PCM1: variants seen among roughly 807,000 people sequenced by gnomAD.
The protein encoded by PCM1 is pericentriolar material 1 protein.
PCM1 carries 157 observed loss-of-function variants against 241.9 expected under a neutral mutation model. That is an observed-to-expected ratio of 0.65 (90% CI 0.57 to 0.74). The LOEUF (loss-of-function observed/expected upper bound fraction) is 0.74, where lower values mean the gene tolerates loss of function less well. PCM1 is among the 30% of genes least tolerant of loss of function. PCM1 has a pLI of 0.00. For missense variants in PCM1, 3,478 were observed against 2,360.1 expected (o/e 1.47, Z -9.81); for synonymous variants, 1,085 against 784.9 (o/e 1.38, Z -6.39).
At chr8:18,011,583 T>C (rs897640292) in intron 33 of PCM1, 84 bp from the exon 34 acceptor site, 1 of 1,270,958 alleles carries the variant, frequency 7.9e-7, no homozygotes, top group Non-Finnish European at 1.1e-6. Flanking sequence ...AAAGCATCTG[T>C]GCCATGCAGG....
chr8:17,952,052 G>T (rs1280180310), intron 8 of PCM1, among the ~76,000 whole-genome samples: 3 of 151,942 alleles, frequency 2.0e-5, no homozygotes, highest in South Asian at 2.1e-4. Context: ...GTGAAACCCT[G>T]TCTCAACTAA....
intron 36 of PCM1, chr8:18,015,914 A>C (rs992819967): frequency 6.6e-6 from 1 of 152,320 alleles, no homozygotes; most frequent in Non-Finnish European, 1.5e-5. Flanking sequence ...TTTGAGACTG[A>C]GTCTCGCTCT....
intron 6 of PCM1, among the ~76,000 whole-genome samples, chr8:17,942,912 G>C (rs1018227928): frequency 6.6e-6 from 1 of 151,290 alleles, no homozygotes; most frequent in Non-Finnish European, 1.5e-5. Context: ...CAGGAGAATT[G>C]CTTGAACCCT....
chr8:17,926,270 G>A (rs1348290656), intron 2 of PCM1: 1 of 152,100 alleles, frequency 6.6e-6, no homozygotes, highest in African/African-American at 2.4e-5. Flanking sequence ...AGGAGATTTG[G>A]CCATTTTTTT....
intron 29 of PCM1, among the ~76,000 whole-genome samples, chr8:18,003,780 A>G (rs1168476206): frequency 6.6e-6 from 1 of 152,124 alleles, no homozygotes; most frequent in East Asian, 1.9e-4. Flanking sequence ...TTTACCTTCC[A>G]TAAAAGAATA....
chr8:17,987,228 T>C (rs866363239), intron 26 of PCM1, among the ~76,000 whole-genome samples: 3 of 152,042 alleles, frequency 2.0e-5, no homozygotes, highest in South Asian at 2.1e-4. Context: ...TGTGTATTCC[T>C]TTTTGTGGGA....
chr8:18,009,684 T>G lies in PCM1; in HGVS notation c.5100T>G (p.Val1700=), dbSNP rs1241853850. 2 of 1,537,114 alleles carry G rather than the reference T, an allele frequency of 1.3e-6. No individual in the cohort carries two copies. Among genetic ancestry groups the G allele is most frequent in the African/African-American group, 1.4e-5 (1 of 72,278 alleles). The change falls in exon 31 of 39, where the codon GTT becomes GTG. Residue 1700 remains valine (V), a synonymous_variant. Coordinates refer to ENST00000325083, the MANE Select transcript of PCM1 (RefSeq NM_006197.4). ...ATTTGGATAATAATAGTATAACTGT[T>G]AAACAGAGATGCAAAAGGAAAATAG... ...MQDLDNNSIT[V]KQRCKRKIEA...
At position 17,938,955 on chromosome 8, in the gene PCM1, C is replaced by T. The variant is rs772735373; in HGVS notation, c.558C>T (p.Asn186=). The change falls in exon 5 of 39, where the codon AAC becomes AAT. Residue 186 remains asparagine (N), a synonymous_variant. Coordinates refer to ENST00000325083, the MANE Select transcript of PCM1 (RefSeq NM_006197.4). The part of the protein sequence containing the change: ...ASALSNDLLQ[N]CQVSEEDGRG... ...CTTTAAGTAATGACCTCTTGCAAAA[C>T]TGTCAGGTGTCTGAAGAAGATGGGA... 6.2e-7 allele frequency: 1 copy of T among 1,613,718 alleles called. No individual in the cohort carries two copies. The highest frequency in any genetic ancestry group is 8.5e-7 in the Non-Finnish European group (1 of 1,179,652).
chr8:18,006,303 C>T lies in PCM1; in HGVS notation c.4868C>T (p.Ser1623Leu), dbSNP rs748852225. The change falls in exon 30 of 39, where the codon TCA (serine) becomes TTA (leucine). Residue 1623 changes from serine (S) to leucine (L), a missense_variant. By Grantham distance (145) the Ser-to-Leu change is moderately radical (BLOSUM62 -2). Coordinates refer to ENST00000325083, the MANE Select transcript of PCM1 (RefSeq NM_006197.4). The part of the protein sequence containing the change: ...DEVCSSQLLT[S>L]VRRMVLTLTQ... The stretch of plus-strand genomic sequence containing the variant: ...GTATGCTCCTCGCAGCTTCTAACTT[C>T]AGTAAGGCGCATGGTTTTGACCCTT... The T allele has an allele frequency of 1.9e-6, 3 of 1,611,872 alleles. No homozygotes were observed. Among genetic ancestry groups the T allele is most frequent in the South Asian group, 1.1e-5 (1 of 90,976 alleles).
At chr8:17,927,946 A>G (rs2057644897) in intron 2 of PCM1, 1 of 151,448 alleles carries the variant, frequency 6.6e-6, no homozygotes, top group Non-Finnish European at 1.5e-5. Context: ...TGTAAAAAAA[A>G]AAAAAAAACC....
intron 11 of PCM1, 138 bp from the exon 12 acceptor site, chr8:17,957,126 G>A (rs181973293): frequency 1.9e-5 from 12 of 645,842 alleles, no homozygotes; most frequent in Admixed American, 3.0e-5. Flanking sequence ...AGCAGGAGTC[G>A]ATTATTCAAT....
chr8:17,925,291 T>C (rs1039730829), intron 2 of PCM1: 5 of 152,222 alleles, frequency 3.3e-5, no homozygotes, highest in African/African-American at 1.2e-4. Context: ...TAGCGCATAG[T>C]ACATTGTCAC....
chr8:17,940,036 T>A (rs746559467), intron 6 of PCM1, 175 bp downstream of exon 6: 2 of 1,536,044 alleles, frequency 1.3e-6, no homozygotes, highest in African/African-American at 2.7e-5. Flanking sequence ...CGCTAAAATA[T>A]TTCAGGCTAG....
chr8:17,993,697 A>G (rs1417775851), intron 29 of PCM1, 78 bp downstream of exon 29: 2 of 1,258,248 alleles, frequency 1.6e-6, no homozygotes, highest in Non-Finnish European at 2.2e-6. Flanking sequence ...TTATTGTGAT[A>G]AAGTTCAACG....
chr8:17,968,658 T>G (rs2075771567), intron 21 of PCM1, among the ~76,000 whole-genome samples: 1 of 151,812 alleles, frequency 6.6e-6, no homozygotes, highest in South Asian at 2.1e-4. Context: ...ACAATATATA[T>G]GTACTCAATA....
chr8:18,021,883 A>C (rs208021), intron 36 of PCM1, among the ~76,000 whole-genome samples: 24,584 of 152,132 alleles, frequency 0.16, 2,318 homozygotes, highest in East Asian at 0.3. Flanking sequence ...GTTAGCTCTG[A>C]AATGACTCAA....
In PCM1 at chr8:17,952,203, A is replaced by G. The variant is rs376064123; in HGVS notation, c.1072-767A>G. ...ACGCCACTGCACTCTAGCCTGGGCC[A>G]CAGAGTGAGACTTTGTCTCAAAAAT... is the stretch of plus-strand genomic sequence containing the variant. On this transcript the variant is annotated intron_variant, in intron 8 of 38. Transcript: ENST00000325083. 3.3e-5 allele frequency among the ~76,000 whole-genome samples: 5 copies of G among 150,196 alleles called. No individual in the cohort carries two copies. The South Asian group carries it at 6.3e-4, about 19-fold the overall frequency.
intron 7 of PCM1, among the ~76,000 whole-genome samples, chr8:17,949,150 T>C (rs1283173103): frequency 6.6e-6 from 1 of 152,224 alleles, no homozygotes; most frequent in Admixed American, 6.5e-5. Flanking sequence ...AACTTCATAC[T>C]ATTTCAAAAA....
intron 36 of PCM1, chr8:18,025,113 T>C (rs2094088663): frequency 2.8e-6 from 1 of 355,078 alleles, no homozygotes; most frequent in African/African-American, 2.2e-5. Flanking sequence ...TTCTTCAGCA[T>C]GTATGAACTG....
Sources: allele counts gnomAD v4.1 joint callset (sites outside exome capture counted in the v4.1 genomes callset), GRCh38; gene constraint gnomAD v4.1.1; transcripts MANE v1.5; gene names NCBI Gene and HGNC (gene_info 2026-07-23, HGNC 2026-07-21).